The following EPHA7 variants were observed in gnomAD, a reference collection of about 807,000 sequenced individuals.
The protein encoded by EPHA7 is ephrin type-A receptor 7.
EPHA7 carries 25 observed loss-of-function variants against 112.6 expected under a neutral mutation model. The observed-to-expected ratio is 0.22, with a 90% CI of 0.16 to 0.31. EPHA7 has a LOEUF of 0.31. EPHA7 is among the 10% of genes least tolerant of loss of function. The probability of loss-of-function intolerance (pLI) is 1.00; values close to 1 mark genes in which losing one functional copy is unlikely to be tolerated. For synonymous variants in EPHA7, 437 were observed against 406.5 expected, an observed-to-expected ratio of 1.07 and a Z score of -0.90; for missense variants, 962 against 1,212.6, an observed-to-expected ratio of 0.79 and a Z score of 3.07.
chr6:93,243,384 C>T lies in EPHA7; in HGVS notation c.*42G>A, dbSNP rs201212409. 4 of 1,461,068 alleles carry T rather than the reference C, an allele frequency of 2.7e-6. No homozygotes were observed. In the East Asian group the frequency reaches 6.8e-5, roughly 25 times the overall value. The allele number at this position is 1,461,068 out of a possible 1,614,324, so 90.5% of individuals were successfully genotyped here. A position where few individuals can be genotyped will look rare whatever the true frequency, so the allele number is the denominator to read the frequency against. ...GCATATACTGAAGGCCAGTACTGTTCTCTTGCAGTCTGTAATCTCCCTTAA... is the reference window on the plus strand; with the variant it reads ...GCATATACTGAAGGCCAGTACTGTTTTCTTGCAGTCTGTAATCTCCCTTAA... On this transcript the variant is annotated 3_prime_UTR_variant, in exon 17 of 17. Transcript: ENST00000369303.
rs187288723 is a variant in EPHA7, at chr6:93,309,890, T to A, written c.1325-37468A>T. ...TCTAATATCAGAAAATAACATTTTT[T>A]AATTTTGACTTTTTAAAATGGCAAA... On this transcript the variant is annotated intron_variant, in intron 5 of 16. Coordinates refer to ENST00000369303, the MANE Select transcript of EPHA7 (RefSeq NM_004440.4). Among the ~76,000 whole-genome samples, 697 of 152,300 alleles carry A rather than the reference T, an allele frequency of 4.6e-3. 4 individuals are homozygous for A. The highest frequency in any genetic ancestry group is 5.8e-3 in the Non-Finnish European group (397 of 68,018).
intron 5 of EPHA7, among the ~76,000 whole-genome samples, chr6:93,291,967 T>C (rs1412497291): frequency 1.3e-5 from 2 of 152,094 alleles, no homozygotes; most frequent in Non-Finnish European, 2.9e-5. Context: ...TATAATTCCA[T>C]TATATTCCAA....
chr6:93,396,184 T>A (rs1778162244), intron 3 of EPHA7, among the ~76,000 whole-genome samples: 1 of 151,846 alleles, frequency 6.6e-6, no homozygotes, highest in Admixed American at 6.6e-5. Flanking sequence ...CCTTGGATAA[T>A]CTCACAGCAT....
intron 14 of EPHA7, among the ~76,000 whole-genome samples, chr6:93,248,167 CA>C (rs1022283360): frequency 2.6e-5 from 4 of 151,682 alleles, no homozygotes; most frequent in African/African-American, 9.7e-5. Flanking sequence ...AGTAGGCAAA[CA>C]AAAAGCTGGC....
At chr6:93,405,259 C>A (rs1227568958) in intron 3 of EPHA7, among the ~76,000 whole-genome samples, 2 of 151,700 alleles carry the variant, frequency 1.3e-5, no homozygotes, top group African/African-American at 2.4e-5. Flanking sequence ...TTTATAATAT[C>A]ATTGATATTC....
intron 5 of EPHA7, among the ~76,000 whole-genome samples, chr6:93,285,074 A>T (rs893919360): frequency 2.0e-5 from 3 of 152,218 alleles, no homozygotes; most frequent in African/African-American, 7.2e-5. Context: ...AAAAGTGCAT[A>T]AACTTAAGAA....
intron 5 of EPHA7, among the ~76,000 whole-genome samples, chr6:93,335,786 C>T (rs1774838932): frequency 6.6e-6 from 1 of 151,770 alleles, no homozygotes; most frequent in Non-Finnish European, 1.5e-5. Flanking sequence ...CATTATTTTT[C>T]TTTGTATTTT....
At chr6:93,404,351 G>A (rs1199196110) in intron 3 of EPHA7, among the ~76,000 whole-genome samples, 1 of 151,840 alleles carries the variant, frequency 6.6e-6, no homozygotes, top group Non-Finnish European at 1.5e-5. Context: ...CTTTCAAGAT[G>A]TTCTGAAAAA....
chr6:93,252,565 T>C (rs1419151475), intron 14 of EPHA7, among the ~76,000 whole-genome samples: 6 of 152,030 alleles, frequency 3.9e-5, no homozygotes, highest in African/African-American at 9.6e-5. Context: ...ATCTAGAAAA[T>C]TTTATCCCAG....
intron 3 of EPHA7, among the ~76,000 whole-genome samples, chr6:93,406,165 T>C (rs1350155055): frequency 2.6e-5 from 4 of 151,340 alleles, no homozygotes; most frequent in African/African-American, 9.7e-5. Flanking sequence ...TTACATGAAA[T>C]CATCTGAAAG....
chr6:93,326,041 G>T (rs970437894), intron 5 of EPHA7, among the ~76,000 whole-genome samples: 37 of 151,372 alleles, frequency 2.4e-4, no homozygotes, highest in African/African-American at 8.7e-4. Context: ...TTTATAAACT[G>T]CCTGCTGTGT....
In EPHA7 at chr6:93,264,560, T is replaced by C. The variant is rs768925397; in HGVS notation, c.1742+34A>G. On this transcript the variant is annotated intron_variant, in intron 8 of 16. Coordinates refer to ENST00000369303, the MANE Select transcript of EPHA7 (RefSeq NM_004440.4). The stretch of plus-strand genomic sequence containing the variant: ...CATAATTCTTAAAAAACAATACATT[T>C]TATGTTAGAGATTAGAACAACTTTG... 16 of 1,359,220 alleles carry C rather than the reference T, an allele frequency of 1.2e-5. No individual in the cohort carries two copies. In the South Asian group the frequency reaches 1.7e-4, roughly 15 times the overall value. 84.2% of individuals were successfully genotyped at this position (1,359,220 alleles called of 1,614,324 possible).
At chr6:93,312,361 T>C (rs1289122202) in intron 5 of EPHA7, among the ~76,000 whole-genome samples, 1 of 152,106 alleles carries the variant, frequency 6.6e-6, no homozygotes, top group Non-Finnish European at 1.5e-5. Flanking sequence ...AGTTTCTATA[T>C]CAACACTTGC....
intron 3 of EPHA7, among the ~76,000 whole-genome samples, chr6:93,384,991 T>C (rs766709486): frequency 1.3e-5 from 2 of 152,288 alleles, no homozygotes; most frequent in East Asian, 1.9e-4. Flanking sequence ...ATAAAATATA[T>C]GGCAAAATTT....
chr6:93,371,543 TTAGACTCA>T (rs1776798074), intron 3 of EPHA7, among the ~76,000 whole-genome samples: 1 of 152,180 alleles, frequency 6.6e-6, no homozygotes, highest in Non-Finnish European at 1.5e-5. Context: ...CTACAAAGTA[TTAGACTCA>T]ACACCTATGT....
chr6:93,245,346 G>A lies in EPHA7; in HGVS notation c.2834C>T (p.Thr945Met), dbSNP rs151105732. 1,041 of 1,613,430 alleles carry A rather than the reference G, an allele frequency of 6.5e-4. 1 individual carries two copies. Among genetic ancestry groups the A allele is most frequent in the African/African-American group, 4.7e-3 (355 of 74,980 alleles). Residue 945 changes from threonine to methionine, a missense_variant, in exon 16 of 17, where the codon ACG (threonine) becomes ATG (methionine). Thr to Met is a moderately conservative substitution (Grantham distance 81). This residue lies in a region of EPHA7 where 746 missense variants were observed against 889.2 expected (regional missense o/e 0.84). Coordinates refer to ENST00000369303, the MANE Select transcript of EPHA7 (RefSeq NM_004440.4). Reference sequence around the variant, plus strand: ...TTCAAGGGAATTGTAGCCAGCTGCCGTGAAATTATCTTTATATCTTTCCAT... The same window carrying A: ...TTCAAGGGAATTGTAGCCAGCTGCCATGAAATTATCTTTATATCTTTCCAT... ...IKMERYKDNF[T>M]AAGYNSLESV... is the part of the protein sequence containing the mutation.
chr6:93,293,911 T>G (rs1222862780), intron 5 of EPHA7, among the ~76,000 whole-genome samples: 1 of 152,204 alleles, frequency 6.6e-6, no homozygotes, highest in Non-Finnish European at 1.5e-5. Flanking sequence ...GGCCCGCAGG[T>G]ACTGCTGTTT....
intron 5 of EPHA7, among the ~76,000 whole-genome samples, chr6:93,296,472 TATATA>T (rs936589570): frequency 7.3e-6 from 1 of 137,886 alleles, no homozygotes; most frequent in African/African-American, 2.6e-5. Flanking sequence ...TATATGTATA[TATATA>T]ATACACACAC....
intron 3 of EPHA7, among the ~76,000 whole-genome samples, chr6:93,391,286 A>G (rs1169709879): frequency 1.3e-5 from 2 of 151,958 alleles, no homozygotes; most frequent in Non-Finnish European, 2.9e-5. Context: ...GGAAATGGAA[A>G]CTTCTGTGGC....
Sources: allele counts gnomAD v4.1 joint callset (sites outside exome capture counted in the v4.1 genomes callset), GRCh38; gene constraint gnomAD v4.1.1; regional missense constraint gnomAD v4.1.1; transcripts MANE v1.5; gene names NCBI Gene and HGNC (gene_info 2026-07-23, HGNC 2026-07-21).